PDE10A: variants seen among roughly 807,000 people sequenced by gnomAD.
PDE10A encodes cAMP and cAMP-inhibited cGMP 3',5'-cyclic phosphodiesterase 10A.
A neutral mutation model predicts 97.7 loss-of-function variants in PDE10A; 39 were observed. The observed-to-expected ratio is 0.40, with a 90% CI of 0.31 to 0.52. PDE10A has a LOEUF of 0.52. Among genes scored for constraint, PDE10A ranks in the 20% least tolerant of loss-of-function variants. The pLI is 0.56. For missense variants in PDE10A, 731 were observed against 1,047.8 expected (o/e 0.70, Z 4.17); for synonymous variants, 371 against 376.8 (o/e 0.98, Z 0.18).
chr6:165,438,397 A>T (rs1583286148), intron 5 of PDE10A, among the ~76,000 whole-genome samples: 1 of 152,256 alleles, frequency 6.6e-6, no homozygotes, highest in Non-Finnish European at 1.5e-5. Flanking sequence ...CATGTTGGTC[A>T]GGCTGGTCTC....
intron 3 of PDE10A, among the ~76,000 whole-genome samples, chr6:165,474,071 G>A (rs1435577706): frequency 6.6e-6 from 1 of 152,178 alleles, no homozygotes. Flanking sequence ...TGAAGTCACA[G>A]GATACAGTTG....
rs867957880 is a variant in PDE10A, at chr6:165,831,104, G to T, written c.-615+156425C>A. 2.6e-5 allele frequency among the ~76,000 whole-genome samples: 4 copies of T among 152,186 alleles called. No individual in the cohort carries two copies. The Middle Eastern group carries it at 0.01, about 388-fold the overall frequency. On this transcript the variant is annotated intron_variant, in intron 1 of 19. Coordinates refer to the PDE10A transcript ENST00000366882. ...CCTTCTGGTAAGAAAGGATTGCCAG[G>T]CCGGGCGCGGTGGCTCAAGCCTGTA...
chr6:165,679,930 C>T (rs1013761700), intron 1 of PDE10A, among the ~76,000 whole-genome samples: 1 of 151,890 alleles, frequency 6.6e-6, no homozygotes, highest in Non-Finnish European at 1.5e-5. Context: ...CTGGGACTCC[C>T]ATGGTGGACA....
intron 1 of PDE10A, among the ~76,000 whole-genome samples, chr6:165,896,521 A>ATTTTTT: frequency 9.5e-6 from 1 of 105,780 alleles, no homozygotes; most frequent in Non-Finnish European, 1.8e-5. Flanking sequence ...ACGCCAGCTA[A>ATTTTTT]TTTTTTTTTT....
intron 18 of PDE10A, among the ~76,000 whole-genome samples, chr6:165,373,467 G>T (rs1313407841): frequency 1.3e-5 from 2 of 152,116 alleles, no homozygotes; most frequent in Admixed American, 1.3e-4. Context: ...GCAGCCAAAA[G>T]ACACATGAAA....
chr6:165,839,852 C>A (rs1308883385), intron 1 of PDE10A, among the ~76,000 whole-genome samples: 1 of 140,040 alleles, frequency 7.1e-6, no homozygotes, highest in African/African-American at 2.7e-5. Context: ...TTATCATCTC[C>A]ATCCCTGTCT....
intron 1 of PDE10A, among the ~76,000 whole-genome samples, chr6:165,833,613 G>C (rs1218071514): frequency 6.6e-6 from 1 of 152,262 alleles, no homozygotes; most frequent in African/African-American, 2.4e-5. Flanking sequence ...AGTTCCTTCA[G>C]CATGAGGGGG....
At chr6:165,567,998 T>TTC (rs1784862281) in intron 1 of PDE10A, among the ~76,000 whole-genome samples, 1 of 139,334 alleles carries the variant, frequency 7.2e-6, no homozygotes, top group Non-Finnish European at 1.6e-5. Flanking sequence ...CAAGGCATTT[T>TTC]TTTTTTTTTT....
intron 1 of PDE10A, among the ~76,000 whole-genome samples, chr6:165,607,938 A>C (rs1335092761): frequency 1.3e-5 from 2 of 152,034 alleles, no homozygotes; most frequent in African/African-American, 2.4e-5. Context: ...CAGAGAACAG[A>C]AGGGGAACGA....
At chr6:165,676,232 G>A (rs1790791521) in intron 1 of PDE10A, among the ~76,000 whole-genome samples, 1 of 152,280 alleles carries the variant, frequency 6.6e-6, no homozygotes, top group Middle Eastern at 3.4e-3. Flanking sequence ...ACAGAAGGGT[G>A]GGAAAGTGGG....
In PDE10A at chr6:165,388,282, G is replaced by T; in HGVS notation, c.2610+16C>A. 2 of 1,613,138 alleles carry T rather than the reference G, an allele frequency of 1.2e-6. No homozygotes were observed. Among genetic ancestry groups the T allele is most frequent in the Non-Finnish European group, 1.7e-6 (2 of 1,179,302 alleles). On this transcript the variant is annotated intron_variant, in intron 17 of 21. Transcript: ENST00000539869. The surrounding 1 kb of genome is among the most constrained non-coding windows in gnomAD (Gnocchi z 4.0). ...AGCCCTTCAGACTAAGCGAGAGACGGCGTGCAGTGACTCACCTGGAGGATG... is the reference window on the plus strand; with the variant it reads ...AGCCCTTCAGACTAAGCGAGAGACGTCGTGCAGTGACTCACCTGGAGGATG...
intron 1 of PDE10A, among the ~76,000 whole-genome samples, chr6:165,760,986 C>T (rs1018241024): frequency 7.9e-5 from 12 of 152,300 alleles, no homozygotes; most frequent in African/African-American, 2.9e-4. Context: ...GCCTCTAGAA[C>T]CTCTGACCAG....
intron 1 of PDE10A, among the ~76,000 whole-genome samples, chr6:165,710,223 T>C (rs777132164): frequency 6.6e-6 from 1 of 152,304 alleles, no homozygotes; most frequent in East Asian, 1.9e-4. Context: ...GCTTCCTGAG[T>C]GCTTCTTCCT....
At chr6:165,982,398 T>C (rs1785047289) in intron 1 of PDE10A, among the ~76,000 whole-genome samples, 1 of 152,190 alleles carries the variant, frequency 6.6e-6, no homozygotes. Flanking sequence ...TGTAATAATA[T>C]ACCACTTACG....
intron 1 of PDE10A, among the ~76,000 whole-genome samples, chr6:165,882,027 C>T (rs1382352698): frequency 6.6e-6 from 1 of 152,222 alleles, no homozygotes; most frequent in Non-Finnish European, 1.5e-5. Context: ...CACCTCCTCT[C>T]ATGCATCCTC....
chr6:165,883,625 T>A (rs1418486973), intron 1 of PDE10A, among the ~76,000 whole-genome samples: 1 of 151,966 alleles, frequency 6.6e-6, no homozygotes, highest in Non-Finnish European at 1.5e-5. Flanking sequence ...GGAAACCTTA[T>A]GTGCATTCAG....
intron 1 of PDE10A, chr6:165,939,631 G>A (rs1442461400): frequency 6.6e-6 from 1 of 152,136 alleles, no homozygotes; most frequent in Non-Finnish European, 1.5e-5. Flanking sequence ...TTTTATTCCT[G>A]TAAAATAAAC....
intron 10 of PDE10A, among the ~76,000 whole-genome samples, chr6:165,428,223 T>C (rs1789303596): frequency 6.6e-6 from 1 of 152,084 alleles, no homozygotes; most frequent in Non-Finnish European, 1.5e-5. Flanking sequence ...CTCAGTAGCA[T>C]AGGGAAATAT....
intron 3 of PDE10A, among the ~76,000 whole-genome samples, chr6:165,455,438 G>A (rs529884178): frequency 1.3e-5 from 2 of 152,324 alleles, no homozygotes; most frequent in Non-Finnish European, 2.9e-5. Context: ...CAGAAGAAGT[G>A]AGACTTGGAG....
Sources: gnomAD v4.1 joint callset for allele counts (sites outside exome capture counted in the v4.1 genomes callset) on GRCh38, gnomAD v4.1.1 for gene constraint, Gnocchi (gnomAD v3.1) non-coding constraint, MANE v1.5 for transcripts, NCBI Gene and HGNC (gene_info 2026-07-23, HGNC 2026-07-21) for gene names.